The following ODF2L variants were observed in gnomAD, a reference collection of about 807,000 sequenced individuals.
ODF2L encodes protein BCAP.
ODF2L carries 76 observed loss-of-function variants against 86.3 expected under a neutral mutation model. That is an observed-to-expected ratio of 0.88 (90% CI 0.73 to 1.07). ODF2L has a LOEUF of 1.07. Among genes scored for constraint, ODF2L ranks in the 50% least tolerant of loss-of-function variants. ODF2L has a pLI of 0.00. For missense variants in ODF2L, 748 were observed against 717.4 expected, an observed-to-expected ratio of 1.04 and a Z score of -0.49; for synonymous variants, 241 against 231.3, an observed-to-expected ratio of 1.04 and a Z score of -0.38.
chr1:86,386,685 G>A (rs1163568814), intron 2 of ODF2L: 3 of 399,814 alleles, frequency 7.5e-6, no homozygotes, highest in Non-Finnish European at 8.7e-6. Context: ...ATTGCGCCCG[G>A]CCAGGTTTTC....
At chr1:86,385,166 T>C (rs113812822) in intron 3 of ODF2L, among the ~76,000 whole-genome samples, 10 of 152,102 alleles carry the variant, frequency 6.6e-5, no homozygotes, top group African/African-American at 2.4e-4. Flanking sequence ...CAGAAGATTT[T>C]AGTTTAAAAT....
intron 17 of ODF2L, 39 bp downstream of exon 16, chr1:86,352,820 G>A (rs1186260005): frequency 1.6e-6 from 2 of 1,272,096 alleles, no homozygotes; most frequent in African/African-American, 3.1e-5. Flanking sequence ...AATGTTAAAT[G>A]TTATCTTTTA....
At chr1:86,359,121 C>T (rs1326466875) in intron 12 of ODF2L, among the ~76,000 whole-genome samples, 1 of 152,084 alleles carries the variant, frequency 6.6e-6, no homozygotes, top group African/African-American at 2.4e-5. Context: ...CTAAACTCTC[C>T]ACTTGAGCTT....
chr1:86,361,593 A>G (rs1158142236), intron 11 of ODF2L, among the ~76,000 whole-genome samples: 1 of 152,236 alleles, frequency 6.6e-6, no homozygotes, highest in East Asian at 1.9e-4. Context: ...ACAGCTTTCC[A>G]ATACAGTTTA....
At chr1:86,355,720 C>G (rs895518683) in intron 14 of ODF2L, among the ~76,000 whole-genome samples, 1 of 152,074 alleles carries the variant, frequency 6.6e-6, no homozygotes, top group Admixed American at 6.6e-5. Context: ...GTGTGTTGTT[C>G]TTCTCCATGT....
At chr1:86,388,929 T>G (rs1661133031) in intron 1 of ODF2L, among the ~76,000 whole-genome samples, 1 of 152,140 alleles carries the variant, frequency 6.6e-6, no homozygotes. Context: ...CATTTACTGA[T>G]TTCTCAACAC....
chr1:86,363,448 G>T (rs1457436242), intron 11 of ODF2L, among the ~76,000 whole-genome samples: 2 of 152,034 alleles, frequency 1.3e-5, no homozygotes, highest in African/African-American at 4.8e-5. Context: ...TTTAAAATTA[G>T]CACTTTTAAT....
chr1:86,349,765 G>A (rs1029123603), downstream of ODF2L: 5 of 152,140 alleles, frequency 3.3e-5, no homozygotes, highest in African/African-American at 1.2e-4. Context: ...TTCCCGAGGG[G>A]TGCCTTGGAT....
exon 11 of ODF2L, chr1:86,368,711 T>A (rs1252015476): frequency 6.9e-7 from 1 of 1,447,514 alleles, no homozygotes; most frequent in Admixed American, 2.3e-5. Context: ...TAATTCTACA[T>A]GGGAATCTAA....
intron 2 of ODF2L, 122 bp downstream of exon 2, chr1:86,386,793 C>A (rs543918017): frequency 3.9e-6 from 2 of 517,770 alleles, no homozygotes; most frequent in Admixed American, 3.6e-5. Flanking sequence ...TAAATAAATA[C>A]TAGATTTGGA....
downstream of ODF2L, chr1:86,348,973 G>C: frequency 7.9e-7 from 1 of 1,269,314 alleles, no homozygotes; most frequent in Non-Finnish European, 1.0e-6. Context: ...ACAATAACTA[G>C]ATAATTCTTT....
At chr1:86,355,821 A>C (rs1045060108) in intron 14 of ODF2L, among the ~76,000 whole-genome samples, 1 of 152,152 alleles carries the variant, frequency 6.6e-6, no homozygotes, top group African/African-American at 2.4e-5. Flanking sequence ...TCATATTTGG[A>C]AGATAGACAG....
intron 12 of ODF2L, 144 bp from the exon 12 acceptor site, chr1:86,359,035 A>G: frequency 2.0e-6 from 1 of 488,524 alleles, no homozygotes; most frequent in Non-Finnish European, 3.6e-6. Flanking sequence ...TTACTTCTTT[A>G]AATATGGAAT....
intron 13 of ODF2L, among the ~76,000 whole-genome samples, chr1:86,357,217 G>C (rs976230535): frequency 5.9e-5 from 9 of 152,164 alleles, no homozygotes; most frequent in African/African-American, 2.2e-4. Flanking sequence ...TCGTGGAGAT[G>C]TGAAAAGCAG....
At chr1:86,395,442 T>C (rs573221766) in intron 1 of ODF2L, among the ~76,000 whole-genome samples, 1 of 152,266 alleles carries the variant, frequency 6.6e-6, no homozygotes, top group African/African-American at 2.4e-5. Context: ...GAAGGTTCAG[T>C]GACCTAGACA....
chr1:86,389,665 A>C (rs923161723), intron 1 of ODF2L, among the ~76,000 whole-genome samples: 2 of 152,170 alleles, frequency 1.3e-5, no homozygotes, highest in Non-Finnish European at 1.5e-5. Context: ...AATCAAGAAG[A>C]GAAAAGATTC....
intron 9 of ODF2L, among the ~76,000 whole-genome samples, chr1:86,372,071 C>A (rs549139823): frequency 4.0e-5 from 6 of 151,874 alleles, no homozygotes; most frequent in Middle Eastern, 3.4e-3. Flanking sequence ...TGCCTGTAGT[C>A]CCAGCTACTA....
intron 13 of ODF2L, chr1:86,358,008 G>A (rs1333018520): frequency 2.0e-6 from 2 of 984,536 alleles, no homozygotes; most frequent in African/African-American, 3.5e-5. Flanking sequence ...GCAGTAAGTT[G>A]TGCATTCAGT....
intron 10 of ODF2L, chr1:86,368,845 C>G (rs1266400446): frequency 2.8e-6 from 2 of 725,464 alleles, no homozygotes; most frequent in Non-Finnish European, 3.9e-6. Context: ...CCTAACACTT[C>G]TACGTTGACT....
Sources: allele counts gnomAD v4.1 joint callset (sites outside exome capture counted in the v4.1 genomes callset), GRCh38; gene constraint gnomAD v4.1.1; transcripts MANE v1.5; gene names NCBI Gene and HGNC (gene_info 2026-07-23, HGNC 2026-07-21).